GPSM2: variants seen among roughly 807,000 people sequenced by gnomAD.
GPSM2 encodes the protein G protein-signaling modulator 2.
A neutral mutation model predicts 78.4 loss-of-function variants in GPSM2; 58 were observed. The ratio of observed to expected loss-of-function variants is 0.74; its 90% CI spans 0.60 to 0.92. The LOEUF is 0.92. Among genes scored for constraint, GPSM2 ranks in the 40% least tolerant of loss-of-function variants. The probability of loss-of-function intolerance (pLI) is 0.00; values close to 1 mark genes in which losing one functional copy is unlikely to be tolerated. For missense variants in GPSM2, 700 were observed against 815.5 expected (o/e 0.86, Z 1.73); for synonymous variants, 224 against 280.2 (o/e 0.80, Z 2.00).
intron 10 of GPSM2, among the ~76,000 whole-genome samples, chr1:108,907,920 T>C (rs182248104): frequency 6.6e-4 from 100 of 152,334 alleles, no homozygotes; most frequent in Non-Finnish European, 1.0e-3. Flanking sequence ...ACCTCAATAA[T>C]TGATAAAAAT....
rs182840199 is a variant in GPSM2 at position 108,927,459 on chromosome 1, T to C, written c.1816-2242T>C. The stretch of plus-strand genomic sequence containing the variant: ...AAGACAGACATATAGACCAATGGAA[T>C]AGAATACAGATCCCAGAAATAAACC... On this transcript the variant is annotated intron_variant, in intron 14 of 14. Transcript: ENST00000264126. Among the ~76,000 whole-genome samples, 19 of 152,242 alleles carry C rather than the reference T, an allele frequency of 1.2e-4. No homozygotes were observed. In the East Asian group the frequency reaches 2.7e-3, roughly 22 times the overall value.
At chr1:108,927,103 A>G (rs1297594781) in intron 14 of GPSM2, among the ~76,000 whole-genome samples, 1 of 152,254 alleles carries the variant, frequency 6.6e-6, no homozygotes, top group African/African-American at 2.4e-5. Flanking sequence ...ACTGAGGCAA[A>G]GACTTGTATA....
chr1:108,924,165 A>G lies in GPSM2; in HGVS notation c.1766A>G (p.Asp589Gly). ...GTACTTAGCCACCTGATGACTAATG[A>G]CAACAAAGAGGCTGATGAAGATTTC... ...QSVLSHLMTN[D>G]NKEADEDFFD... Residue 589 changes from aspartate (D) to glycine (G), a missense_variant, in exon 14 of 15, where the codon GAC (aspartate) becomes GGC (glycine). Coordinates refer to ENST00000264126, the MANE Select transcript of GPSM2 (RefSeq NM_013296.5). The G allele has an allele frequency of 1.2e-6, 2 of 1,613,948 alleles. No homozygotes were observed. Among genetic ancestry groups the G allele is most frequent in the Non-Finnish European group, 1.7e-6 (2 of 1,179,834 alleles).
At chr1:108,911,687 C>T (rs1649754277) in intron 10 of GPSM2, among the ~76,000 whole-genome samples, 1 of 151,186 alleles carries the variant, frequency 6.6e-6, no homozygotes, top group Non-Finnish European at 1.5e-5. Flanking sequence ...CCTCAACGTA[C>T]ATAAAGCAAA....
Position 108,897,613 on chromosome 1 carries a change from G to T in GPSM2, c.400G>T (p.Glu134Ter), listed in dbSNP as rs1362464988. ...TCAGCGACACCTAGATATTTCCAGA[G>T]AGCTTAATGACAAGGTAATACCGCA... ...CCQRHLDISR[E>*]LNDKVGEARA... is the part of the protein sequence containing the mutation. Residue 134 changes from glutamate (E) to a stop codon, truncating the protein, a stop_gained, in exon 4 of 15, where the codon GAG (glutamate) becomes TAG (stop). Transcript: ENST00000264126. LOFTEE classifies it high-confidence loss of function. 3 of 1,613,620 alleles carry T rather than the reference G, an allele frequency of 1.9e-6. No individual in the cohort carries two copies. Among genetic ancestry groups the T allele is most frequent in the Non-Finnish European group, 2.5e-6 (3 of 1,179,722 alleles).
intron 11 of GPSM2, 25 bp downstream of exon 11, chr1:108,914,433 A>T (rs976866901): frequency 7.0e-7 from 1 of 1,434,522 alleles, no homozygotes; most frequent in Non-Finnish European, 9.8e-7. Context: ...TTATGTTTTA[A>T]ATTTCATGAA....
At chr1:108,906,582 A>G (rs1295093938) in intron 10 of GPSM2, among the ~76,000 whole-genome samples, 3 of 148,636 alleles carry the variant, frequency 2.0e-5, no homozygotes, top group South Asian at 4.2e-4. Context: ...TTTCTAAATT[A>G]AAAAAATATT....
At chr1:108,914,520 T>C in intron 11 of GPSM2, 112 bp downstream of exon 11, 2 of 783,358 alleles carry the variant, frequency 2.6e-6, no homozygotes, top group Non-Finnish European at 2.1e-6. Context: ...GGTATCACTT[T>C]AAAATTTGCC....
At chr1:108,904,366 C>G (rs1209514833) in intron 10 of GPSM2, 112 bp downstream of exon 10, 3 of 573,200 alleles carry the variant, frequency 5.2e-6, no homozygotes, top group African/African-American at 1.9e-5. Context: ...GGAAGTTCAA[C>G]TTATTACACT....
intron 12 of GPSM2, among the ~76,000 whole-genome samples, chr1:108,919,118 C>T (rs1420283593): frequency 3.9e-5 from 6 of 152,054 alleles, no homozygotes; most frequent in Non-Finnish European, 5.9e-5. Flanking sequence ...AGCGATTCTC[C>T]TGCCTCAGCC....
chr1:108,877,964 A>G (rs1665714187), intron 1 of GPSM2, among the ~76,000 whole-genome samples: 2 of 152,324 alleles, frequency 1.3e-5, no homozygotes, highest in South Asian at 4.1e-4. Context: ...TAATTTAACC[A>G]CACCGTAGAA....
intron 14 of GPSM2, among the ~76,000 whole-genome samples, chr1:108,928,661 G>A (rs1651363082): frequency 6.6e-6 from 1 of 152,144 alleles, no homozygotes; most frequent in South Asian, 2.1e-4. Context: ...TTTTTGACAA[G>A]TAGCATGTCT....
rs1651690450 is a variant in GPSM2 at position 108,930,238 on chromosome 1, A to G, written c.*298A>G. 3.4e-6 allele frequency: 1 copy of G among 296,568 alleles called. No homozygotes were observed. Among genetic ancestry groups the G allele is most frequent in the African/African-American group, 2.2e-5 (1 of 46,298 alleles). The allele number at this position is 296,568 out of a possible 1,614,324, so 18.4% of individuals were successfully genotyped here. ...TATAAAGTAGGAAGTTAAGTGAATC[A>G]TAGATTAGAATTTAATACTCTTATG... On this transcript the variant is annotated 3_prime_UTR_variant, in exon 15 of 15. Coordinates refer to ENST00000264126, the MANE Select transcript of GPSM2 (RefSeq NM_013296.5).
chr1:108,908,020 G>A (rs928746285), intron 10 of GPSM2, among the ~76,000 whole-genome samples: 1 of 152,228 alleles, frequency 6.6e-6, no homozygotes, highest in African/African-American at 2.4e-5. Context: ...CAAACTATGT[G>A]TCTGACCCAT....
chr1:108,894,083 T>C (rs1648177048), intron 2 of GPSM2, among the ~76,000 whole-genome samples: 1 of 152,158 alleles, frequency 6.6e-6, no homozygotes, highest in South Asian at 2.1e-4. Flanking sequence ...CTTTTGTTGA[T>C]TTATTTATCT....
chr1:108,922,141 G>T (rs1168509230), intron 12 of GPSM2, among the ~76,000 whole-genome samples: 1 of 152,184 alleles, frequency 6.6e-6, no homozygotes, highest in African/African-American at 2.4e-5. Flanking sequence ...GTACAGGCCT[G>T]TATCACCAGT....
chr1:108,897,914 G>A, intron 4 of GPSM2, 45 bp from the exon 5 acceptor site: 1 of 1,595,988 alleles, frequency 6.3e-7, no homozygotes, highest in Non-Finnish European at 8.6e-7. Flanking sequence ...TGATAAACCT[G>A]ACCTCTGTTT....
rs183651017 is a variant in GPSM2, at chr1:108,890,033, T to C, written c.56+4455T>C. The stretch of plus-strand genomic sequence containing the variant: ...ACTTTCTTTGTTTAGCTAATTCTAC[T>C]CTAAGATACAGCTCGGAGATTATCT... On this transcript the variant is annotated intron_variant, in intron 2 of 14. Transcript: ENST00000264126. Among the ~76,000 whole-genome samples, 435 of 152,298 alleles carry C rather than the reference T, an allele frequency of 2.9e-3. 1 individual carries two copies. Among genetic ancestry groups the C allele is most frequent in the Non-Finnish European group, 3.8e-3 (256 of 68,022 alleles).
chr1:108,886,070 T>G (rs1337213634), intron 2 of GPSM2, among the ~76,000 whole-genome samples: 1 of 152,070 alleles, frequency 6.6e-6, no homozygotes, highest in African/African-American at 2.4e-5. Context: ...ACTTTTTCTA[T>G]ATTATCAGAG....
Sources: gnomAD v4.1 joint callset for allele counts (sites outside exome capture counted in the v4.1 genomes callset) on GRCh38, gnomAD v4.1.1 for gene constraint, MANE v1.5 for transcripts, NCBI Gene and HGNC (gene_info 2026-07-23, HGNC 2026-07-21) for gene names.